The following COG5 variants were observed in gnomAD, a reference collection of about 807,000 sequenced individuals.
COG5 encodes the protein component of oligomeric golgi complex 5, also known as conserved oligomeric Golgi complex subunit 5.
A neutral mutation model predicts 110.4 loss-of-function variants in COG5; 86 were observed. The ratio of observed to expected loss-of-function variants is 0.78; its 90% CI spans 0.65 to 0.93. The LOEUF (loss-of-function observed/expected upper bound fraction) is 0.93, where lower values mean the gene tolerates loss of function less well. COG5 is among the 40% of genes least tolerant of loss of function. The probability of loss-of-function intolerance (pLI) is 0.00; values close to 1 mark genes in which losing one functional copy is unlikely to be tolerated. For synonymous variants in COG5, 360 were observed against 334.6 expected (o/e 1.08, Z -0.83); for missense variants, 1,077 against 987.0 (o/e 1.09, Z -1.22).
chr7:107,221,154 G>A (rs993679470), intron 19 of COG5, among the ~76,000 whole-genome samples: 3 of 151,890 alleles, frequency 2.0e-5, no homozygotes, highest in African/African-American at 4.8e-5. Context: ...CCTGGTTGTC[G>A]TGTTCAGCAG....
chr7:107,239,179 G>A (rs1334007413), intron 17 of COG5, among the ~76,000 whole-genome samples: 1 of 152,030 alleles, frequency 6.6e-6, no homozygotes, highest in Non-Finnish European at 1.5e-5. Flanking sequence ...TTCTGCATCT[G>A]GATATCCATT....
Position 107,258,618 on chromosome 7 carries a change from A to G in COG5, c.1576-235T>C, listed in dbSNP as rs886497632. 46 of 564,050 alleles carry G rather than the reference A, an allele frequency of 8.2e-5. No individual in the cohort carries two copies. The East Asian group carries it at 8.7e-4, about 11-fold the overall frequency. 34.9% of individuals were successfully genotyped at this position (564,050 alleles called of 1,614,324 possible). ...AAAACACCATGGATGTGGAAGCACA[A>G]TTGGTCTTGCACGGGAAGAACAGCT... is the stretch of plus-strand genomic sequence containing the variant. On this transcript the variant is annotated intron_variant, in intron 14 of 21. Coordinates refer to ENST00000297135, the MANE Select transcript of COG5 (RefSeq NM_006348.5).
chr7:107,467,985 T>G (rs918013562), intron 6 of COG5, among the ~76,000 whole-genome samples: 2 of 152,150 alleles, frequency 1.3e-5, no homozygotes, highest in African/African-American at 4.8e-5. Context: ...GAAAACACTG[T>G]CTCACAAAGA....
chr7:107,422,264 A>G (rs1165750243), intron 6 of COG5, among the ~76,000 whole-genome samples: 1 of 152,244 alleles, frequency 6.6e-6, no homozygotes, highest in Non-Finnish European at 1.5e-5. Context: ...CTGTTTGCCT[A>G]TCATATTTGC....
At chr7:107,249,659 T>C (rs889619014) in intron 16 of COG5, among the ~76,000 whole-genome samples, 3 of 151,504 alleles carry the variant, frequency 2.0e-5, no homozygotes, top group African/African-American at 7.3e-5. Flanking sequence ...ACCCTTAATC[T>C]CTGGTAAAAA....
chr7:107,279,831 A>T (rs1401201162), intron 14 of COG5, among the ~76,000 whole-genome samples: 3 of 152,158 alleles, frequency 2.0e-5, no homozygotes, highest in African/African-American at 7.2e-5. Context: ...GGTACATTAG[A>T]TAGGCCTAAG....
At chr7:107,257,068 T>C (rs1802945562) in intron 15 of COG5, among the ~76,000 whole-genome samples, 2 of 152,162 alleles carry the variant, frequency 1.3e-5, no homozygotes, top group East Asian at 3.8e-4. Flanking sequence ...GTTTTAATTA[T>C]AAAGTTTTAA....
chr7:107,277,257 C>T (rs1335536547), intron 14 of COG5, among the ~76,000 whole-genome samples: 1 of 152,108 alleles, frequency 6.6e-6, no homozygotes, highest in African/African-American at 2.4e-5. Flanking sequence ...TATATACAAG[C>T]TACAGATCAG....
At chr7:107,473,899 C>T (rs1367971192) in intron 6 of COG5, 8 of 492,674 alleles carry the variant, frequency 1.6e-5, no homozygotes, top group Non-Finnish European at 2.8e-5. Flanking sequence ...CTTAATTCTA[C>T]ATTTTCTATT....
At chr7:107,513,205 A>C (rs1799663142) in intron 6 of COG5, among the ~76,000 whole-genome samples, 1 of 152,198 alleles carries the variant, frequency 6.6e-6, no homozygotes, top group South Asian at 2.1e-4. Context: ...TTACAAGAAA[A>C]AAACAGACAA....
intron 6 of COG5, among the ~76,000 whole-genome samples, chr7:107,442,076 T>C (rs2129086993): frequency 6.6e-6 from 1 of 152,332 alleles, no homozygotes; most frequent in East Asian, 1.9e-4. Context: ...AATCTCATAT[T>C]GAATTGTCAT....
At chr7:107,545,374 A>G (rs1407323159) in intron 5 of COG5, among the ~76,000 whole-genome samples, 1 of 152,186 alleles carries the variant, frequency 6.6e-6, no homozygotes, top group East Asian at 1.9e-4. Context: ...CTTGAAAGCA[A>G]CAAGAGAAAA....
At chr7:107,455,234 G>C (rs1039666056) in intron 6 of COG5, among the ~76,000 whole-genome samples, 1 of 152,178 alleles carries the variant, frequency 6.6e-6, no homozygotes, top group African/African-American at 2.4e-5. Flanking sequence ...GTGCAAACTA[G>C]AACAACGTGT....
chr7:107,302,838 T>A (rs1220659187), intron 11 of COG5, among the ~76,000 whole-genome samples: 1 of 152,160 alleles, frequency 6.6e-6, no homozygotes, highest in African/African-American at 2.4e-5. Flanking sequence ...ACCATCCACA[T>A]GGGCCCATGT....
At chr7:107,431,054 TAC>T (rs1430612085) in intron 6 of COG5, among the ~76,000 whole-genome samples, 1 of 152,154 alleles carries the variant, frequency 6.6e-6, no homozygotes, top group Non-Finnish European at 1.5e-5. Context: ...AAAACTAACT[TAC>T]AGTGTTCCGA....
At chr7:107,254,785 C>A (rs894353629) in intron 16 of COG5, among the ~76,000 whole-genome samples, 3 of 152,142 alleles carry the variant, frequency 2.0e-5, no homozygotes, top group Non-Finnish European at 4.4e-5. Context: ...ATTTTTAACT[C>A]TCCAAGTGAT....
intron 6 of COG5, among the ~76,000 whole-genome samples, chr7:107,439,420 T>C (rs1253109653): frequency 1.3e-5 from 2 of 152,198 alleles, no homozygotes; most frequent in Non-Finnish European, 2.9e-5. Context: ...CCATTATAAA[T>C]AGGCTTTTGT....
chr7:107,557,746 T>A (rs1437331717), intron 2 of COG5, among the ~76,000 whole-genome samples: 1 of 152,228 alleles, frequency 6.6e-6, no homozygotes, highest in Non-Finnish European at 1.5e-5. Context: ...TCAGTTAAGG[T>A]GGTGAACAGG....
At chr7:107,223,953 T>A (rs1800135421) in intron 19 of COG5, among the ~76,000 whole-genome samples, 1 of 152,188 alleles carries the variant, frequency 6.6e-6, no homozygotes, top group Non-Finnish European at 1.5e-5. Flanking sequence ...TCAGAAATTA[T>A]AAAAATGATG....
Sources: allele counts gnomAD v4.1 joint callset (sites outside exome capture counted in the v4.1 genomes callset), GRCh38; gene constraint gnomAD v4.1.1; transcripts MANE v1.5; gene names NCBI Gene and HGNC (gene_info 2026-07-23, HGNC 2026-07-21).